ADGRL4: variants seen among roughly 807,000 people sequenced by gnomAD.
ADGRL4 encodes EGF, latrophilin and seven transmembrane domain containing 1.
A neutral mutation model predicts 74.8 loss-of-function variants in ADGRL4; 90 were observed. The ratio of observed to expected loss-of-function variants is 1.20; its 90% confidence interval spans 1.02 to 1.43. The LOEUF (loss-of-function observed/expected upper bound fraction) is 1.43, where lower values mean the gene tolerates loss of function less well. ADGRL4 is among the 40% of genes most tolerant of loss of function. ADGRL4 has a pLI of 0.00. For missense variants in ADGRL4, 881 were observed against 814.3 expected (o/e 1.08, Z -1.00); for synonymous variants, 311 against 279.2 (o/e 1.11, Z -1.14).
rs1371082703 is a variant in ADGRL4 at position 78,917,714 on chromosome 1, A to G, written c.1683-14T>C. ...CTAAGCCAACATCTGAAAAGTAAAT[A>G]AAAGATAGAATCTATAAATATGTTT... On this transcript the variant is annotated splice_polypyrimidine_tract_variant and intron_variant, in intron 11 of 14. Coordinates refer to ENST00000370742, the MANE Select transcript of ADGRL4 (RefSeq NM_022159.4). 6.2e-7 allele frequency: 1 copy of G among 1,600,714 alleles called. No homozygotes were observed. The highest frequency in any genetic ancestry group is 2.2e-5 in the East Asian group (1 of 44,668).
chr1:78,933,380 C>T (rs962261032), intron 7 of ADGRL4, among the ~76,000 whole-genome samples: 2 of 151,342 alleles, frequency 1.3e-5, no homozygotes, highest in African/African-American at 4.9e-5. Flanking sequence ...AATTCAGCAT[C>T]CCTTCATGTT....
intron 3 of ADGRL4, among the ~76,000 whole-genome samples, chr1:78,940,292 T>G (rs1039167878): frequency 1.3e-5 from 2 of 152,168 alleles, no homozygotes; most frequent in African/African-American, 2.4e-5. Flanking sequence ...AACGTGTGAT[T>G]GAATTCCCTT....
Position 78,891,610 on chromosome 1 carries a change from A to G in ADGRL4, c.1924T>C (p.Ser642Pro), listed in dbSNP as rs1159606974. The G allele has an allele frequency of 6.2e-7, 1 of 1,613,566 alleles. No homozygotes were observed. Among genetic ancestry groups the G allele is most frequent in the Non-Finnish European group, 8.5e-7 (1 of 1,179,720 alleles). ...IFGVLHVVHA[S>P]VVTAYLFTVS... ...GTGAAGAGGTAAGCTGTAACCACTGATGCGTGCACAACATGGAGAACCCCA... is the reference window on the plus strand; with the variant it reads ...GTGAAGAGGTAAGCTGTAACCACTGGTGCGTGCACAACATGGAGAACCCCA... Residue 642 changes from serine (S) to proline (P), a missense_variant, in exon 14 of 15, where the codon TCA becomes CCA. By Grantham distance (74) the Ser-to-Pro change is moderately conservative. Coordinates refer to ENST00000370742, the MANE Select transcript of ADGRL4 (RefSeq NM_022159.4).
At chr1:78,919,853 T>C (rs1318478156) in intron 10 of ADGRL4, among the ~76,000 whole-genome samples, 1 of 151,956 alleles carries the variant, frequency 6.6e-6, no homozygotes, top group East Asian at 1.9e-4. Flanking sequence ...AGATAAAGTT[T>C]ATTTCTAATT....
chr1:78,975,683 T>C (rs537832805), intron 2 of ADGRL4, among the ~76,000 whole-genome samples: 2 of 152,052 alleles, frequency 1.3e-5, no homozygotes, highest in East Asian at 3.9e-4. Context: ...TATGCATTTG[T>C]CAAAAACACT....
chr1:78,926,206 G>A (rs1033696418), intron 8 of ADGRL4, among the ~76,000 whole-genome samples: 3 of 151,964 alleles, frequency 2.0e-5, no homozygotes, highest in South Asian at 2.1e-4. Flanking sequence ...GAAAGTACTC[G>A]AATCATGTAC....
chr1:78,957,690 C>A (rs749751753), intron 2 of ADGRL4, among the ~76,000 whole-genome samples: 11 of 152,110 alleles, frequency 7.2e-5, no homozygotes, highest in Non-Finnish European at 1.3e-4. Context: ...TATAAAAGTG[C>A]AAGAGGAGGC....
intron 2 of ADGRL4, among the ~76,000 whole-genome samples, chr1:79,001,766 T>A (rs1353834900): frequency 1.3e-5 from 2 of 152,154 alleles, no homozygotes; most frequent in Non-Finnish European, 2.9e-5. Flanking sequence ...TGTGAAAATG[T>A]CTAGTATGAA....
intron 2 of ADGRL4, among the ~76,000 whole-genome samples, chr1:78,988,729 G>A (rs1650546112): frequency 6.6e-6 from 1 of 151,768 alleles, no homozygotes; most frequent in Non-Finnish European, 1.5e-5. Context: ...TGAGTCTACA[G>A]ATCCATGATT....
At chr1:78,925,176 T>TG (rs972509186) in intron 8 of ADGRL4, among the ~76,000 whole-genome samples, 1 of 152,024 alleles carries the variant, frequency 6.6e-6, no homozygotes, top group Non-Finnish European at 1.5e-5. Flanking sequence ...TCATAGCTTC[T>TG]GAGAGCATGG....
At chr1:78,902,385 C>A (rs1648538186) in intron 12 of ADGRL4, among the ~76,000 whole-genome samples, 1 of 152,134 alleles carries the variant, frequency 6.6e-6, no homozygotes, top group African/African-American at 2.4e-5. Context: ...CTTTGCCTTA[C>A]TATTATCACC....
Position 78,930,417 on chromosome 1 carries a change from A to T in ADGRL4, c.878-3326T>A, listed in dbSNP as rs1649214029. ...GATTAAATTGAAATAGTAACTACTT[A>T]CTTGCTAGTTAGGTACCAAGGAAAA... On this transcript the variant is annotated intron_variant, in intron 7 of 14. Coordinates refer to ENST00000370742, the MANE Select transcript of ADGRL4 (RefSeq NM_022159.4). Among the ~76,000 whole-genome samples the T allele has an allele frequency of 2.0e-5, 3 of 148,036 alleles. No individual in the cohort carries two copies. The South Asian group carries it at 6.5e-4, about 32-fold the overall frequency.
At position 78,927,198 on chromosome 1, in the gene ADGRL4, T is replaced by A. The variant is rs1649135894; in HGVS notation, c.878-107A>T. 3 of 724,716 alleles carry A rather than the reference T, an allele frequency of 4.1e-6. No individual in the cohort carries two copies. The Admixed American group carries it at 8.5e-5, about 20-fold the overall frequency. 44.9% of individuals were successfully genotyped at this position (724,716 alleles called of 1,614,324 possible). A position where few individuals can be genotyped will look rare whatever the true frequency, so the allele number is the denominator to read the frequency against. ...ATAGACAAACATTTTACTTTAGAAATTTATACAAATCCCCAGATACTGAAA... is the reference window on the plus strand; with the variant it reads ...ATAGACAAACATTTTACTTTAGAAAATTATACAAATCCCCAGATACTGAAA... On this transcript the variant is annotated intron_variant, in intron 7 of 14. Coordinates refer to ENST00000370742, the MANE Select transcript of ADGRL4 (RefSeq NM_022159.4).
chr1:78,935,543 C>A lies in ADGRL4; in HGVS notation c.877+752G>T, dbSNP rs201699478. ...TTAAGCAAAATTAAAAAAAAAAAAA[C>A]AAACCTACTTTAAAAAAATCTCTAT... On this transcript the variant is annotated intron_variant, in intron 7 of 14. Transcript: ENST00000370742. Among the ~76,000 whole-genome samples, 153 of 129,934 alleles carry A rather than the reference C, an allele frequency of 1.2e-3. 1 individual carries two copies. Among genetic ancestry groups the A allele is most frequent in the African/African-American group, 3.1e-3 (108 of 34,438 alleles). The allele number at this position is 129,934 out of a possible 152,430, so 85.2% of individuals were successfully genotyped here.
At chr1:78,912,460 T>C (rs1275745284) in intron 12 of ADGRL4, among the ~76,000 whole-genome samples, 1 of 151,836 alleles carries the variant, frequency 6.6e-6, no homozygotes, top group Non-Finnish European at 1.5e-5. Flanking sequence ...ATCAGCAGCA[T>C]TAGCTTCTCA....
At chr1:78,947,778 C>G (rs1311128773) in intron 2 of ADGRL4, among the ~76,000 whole-genome samples, 1 of 152,032 alleles carries the variant, frequency 6.6e-6, no homozygotes, top group Non-Finnish European at 1.5e-5. Context: ...AATTGGGGAG[C>G]ACAGAGAGAA....
In ADGRL4 at chr1:78,938,004, G is replaced by A. The variant is rs1465261035; in HGVS notation, c.577-14C>T. 6.2e-7 allele frequency: 1 copy of A among 1,607,276 alleles called. No individual in the cohort carries two copies. The highest frequency in any genetic ancestry group is 8.5e-7 in the Non-Finnish European group (1 of 1,177,742). On this transcript the variant is annotated splice_polypyrimidine_tract_variant and intron_variant, in intron 5 of 14. Transcript: ENST00000370742. The stretch of plus-strand genomic sequence containing the variant: ...TTTTACAAATTCCTATTGAAAAAAA[G>A]TATGTCTTTTAGAAATGTTGGAATC...
intron 3 of ADGRL4, among the ~76,000 whole-genome samples, chr1:78,940,230 C>A (rs1214360628): frequency 2.0e-5 from 3 of 152,206 alleles, no homozygotes; most frequent in African/African-American, 7.2e-5. Context: ...TGATTTCTTT[C>A]CAAAGCTTCA....
chr1:78,910,356 A>C (rs1648732935), intron 12 of ADGRL4, among the ~76,000 whole-genome samples: 1 of 151,852 alleles, frequency 6.6e-6, no homozygotes, highest in African/African-American at 2.4e-5. Context: ...TAGAGGTTAC[A>C]ACAAAAAGTG....
Sources: allele counts gnomAD v4.1 joint callset (sites outside exome capture counted in the v4.1 genomes callset), GRCh38; gene constraint gnomAD v4.1.1; transcripts MANE v1.5; gene names NCBI Gene and HGNC (gene_info 2026-07-23, HGNC 2026-07-21).